Variants in SPATA7 observed in about 807,000 individuals in gnomAD.
SPATA7 encodes spermatogenesis associated 7, also known as spermatogenesis-associated protein 7.
Under a neutral mutation model 51.8 loss-of-function variants are expected in SPATA7, and 43 were observed. The ratio of observed to expected loss-of-function variants is 0.83; its 90% CI spans 0.65 to 1.07. The LOEUF is 1.07. SPATA7 is among the 50% of genes least tolerant of loss of function. The pLI is 0.00. For missense variants in SPATA7, 683 were observed against 701.3 expected (o/e 0.97, Z 0.30); for synonymous variants, 230 against 252.8 (o/e 0.91, Z 0.86).
chr14:88,427,707 T>C lies in SPATA7; in HGVS notation c.912+11T>C. The C allele has an allele frequency of 6.3e-7, 1 of 1,584,148 alleles. No individual in the cohort carries two copies. The highest frequency in any genetic ancestry group is 8.7e-7 in the Non-Finnish European group (1 of 1,153,500). On this transcript the variant is annotated intron_variant, in intron 7 of 11. Coordinates refer to ENST00000393545, the MANE Select transcript of SPATA7 (RefSeq NM_018418.5). ...ATGAACATAAAGCAGGTAATAAGTA[T>C]GAAATCTTTTGGTATTGCTACATTT...
chr14:88,396,875 C>CTTTTTTTTTTTTTTTTTTTTT, intron 4 of SPATA7, among the ~76,000 whole-genome samples: 1 of 138,538 alleles, frequency 7.2e-6, no homozygotes, highest in Non-Finnish European at 1.5e-5. Context: ...TTTCTTTTTT[C>CTTTTTTTTTTTTTTTTTTTTT]TTTTTTTTTT....
intron 4 of SPATA7, chr14:88,406,845 G>C (rs945272843): frequency 6.6e-6 from 1 of 152,126 alleles, no homozygotes; most frequent in Admixed American, 6.6e-5. Flanking sequence ...ACTTATGAGT[G>C]AGAACATGCA....
rs2077429209 is a variant in SPATA7 at position 88,469,786 on chromosome 14, T to C, written c.255-61T>C. 5 of 1,600,660 alleles carry C rather than the reference T, an allele frequency of 3.1e-6. No individual in the cohort carries two copies. In the East Asian group the frequency reaches 1.1e-4, roughly 36 times the overall value. Reference sequence around the variant, plus strand: ...CTCGAGATCCGGCAATGGATGCCTTTCTCACATAGACGGCACATCTGAAAC... The same window carrying C: ...CTCGAGATCCGGCAATGGATGCCTTCCTCACATAGACGGCACATCTGAAAC... On this transcript the variant is annotated intron_variant, in intron 4 of 4. Coordinates refer to the SPATA7 transcript ENST00000556406. The surrounding 1 kb of genome is among the most constrained non-coding windows in gnomAD (Gnocchi z 4.3).
chr14:88,469,909 A>C lies in SPATA7; in HGVS notation c.*42A>C. On this transcript the variant is annotated 3_prime_UTR_variant, in exon 5 of 5. Transcript: ENST00000556406. This position sits in a 1 kb window ranked among gnomAD's most constrained non-coding sequence, Gnocchi z 4.3. ...GAGGCTGAGAAAATCACTTAAGAGA[A>C]ATAAGTACCTACCTCTTCTGCTGTC... is the stretch of plus-strand genomic sequence containing the variant. 1 of 1,613,858 alleles carries C rather than the reference A, an allele frequency of 6.2e-7. No individual in the cohort carries two copies.
intron 4 of SPATA7, among the ~76,000 whole-genome samples, chr14:88,398,869 G>A (rs113456234): frequency 0.035 from 5,352 of 151,770 alleles, 309 homozygotes; most frequent in African/African-American, 0.12. Flanking sequence ...TGGCTAACAC[G>A]GTGAAACCCT....
chr14:88,463,890 C>T (rs1187876484), intron 4 of SPATA7, among the ~76,000 whole-genome samples: 1 of 151,998 alleles, frequency 6.6e-6, no homozygotes, highest in East Asian at 1.9e-4. Context: ...CTCTGTCACC[C>T]AAGCTGGAGT....
At chr14:88,459,028 G>A (rs536175419), downstream of SPATA7, among the ~76,000 whole-genome samples, 240 of 152,230 alleles carry the variant, frequency 1.6e-3, no homozygotes, top group African/African-American at 5.3e-3. Flanking sequence ...GTAGTTGAGC[G>A]GTTTTGAGTG....
Position 88,429,391 on chromosome 14 carries a change from C to T in SPATA7, c.956C>T (p.Pro319Leu), listed in dbSNP as rs748919704. Reference protein sequence around the residue: ...VTYDAKEKIAPLPLEGHDSTW... With the variant: ...VTYDAKEKIALLPLEGHDSTW... ...TATGATGCCAAAGAAAAAATAGCTCCTTTACCTTTAGAAGGGCATGACTCA... is the reference window on the plus strand; with the variant it reads ...TATGATGCCAAAGAAAAAATAGCTCTTTTACCTTTAGAAGGGCATGACTCA... Residue 319 changes from proline to leucine, a missense_variant, in exon 8 of 12, where the codon CCT becomes CTT. By Grantham distance (98) the Pro-to-Leu change is moderately conservative. Coordinates refer to ENST00000393545, the MANE Select transcript of SPATA7 (RefSeq NM_018418.5). The T allele has an allele frequency of 1.7e-5, 28 of 1,612,736 alleles. No individual in the cohort carries two copies. The South Asian group carries it at 3.1e-4, about 18-fold the overall frequency.
chr14:88,407,051 A>G (rs2076218921), intron 4 of SPATA7, among the ~76,000 whole-genome samples: 1 of 152,196 alleles, frequency 6.6e-6, no homozygotes, highest in Admixed American at 6.5e-5. Flanking sequence ...AGTCTTTGGT[A>G]TTGTGAACAG....
Position 88,426,530 on chromosome 14 carries a change from A to G in SPATA7, c.671A>G (p.Asp224Gly), listed in dbSNP as rs768503804. The change falls in exon 6 of 12, where the codon GAT (aspartate) becomes GGT (glycine). Residue 224 changes from aspartate to glycine, a missense_variant. Physicochemically the swap from Asp to Gly is moderately conservative, Grantham distance 94. Transcript: ENST00000393545. ...QLVISKAPSG[D>G]LLDKHSELFS... Reference sequence around the variant, plus strand: ...GTCATTTCGAAAGCACCCAGTGGGGATCTTTTGGATAAACATTCTGAACTC... The same window carrying G: ...GTCATTTCGAAAGCACCCAGTGGGGGTCTTTTGGATAAACATTCTGAACTC... 3.7e-6 allele frequency: 6 copies of G among 1,614,064 alleles called. No homozygotes were observed. In the East Asian group the frequency reaches 1.1e-4, roughly 30 times the overall value.
At chr14:88,470,048 G>GA (rs781749438) in exon 5 of SPATA7, 1 of 1,612,536 alleles carries the variant, frequency 6.2e-7, no homozygotes, top group Non-Finnish European at 8.5e-7. Context: ...CACTGACAGA[G>GA]ACCTGGGATT....
intron 4 of SPATA7, among the ~76,000 whole-genome samples, chr14:88,402,959 C>CAAAAA (rs56330042): frequency 1.6e-3 from 97 of 62,004 alleles, no homozygotes; most frequent in East Asian, 3.7e-3. Flanking sequence ...AACTCAATAG[C>CAAAAA]AAAAAAAAAA....
At chr14:88,448,963 G>A (rs912592702) in intron 3 of SPATA7, among the ~76,000 whole-genome samples, 7 of 151,980 alleles carry the variant, frequency 4.6e-5, no homozygotes, top group Non-Finnish European at 8.8e-5. Flanking sequence ...CCTTTTCTTC[G>A]TTAATCTCAC....
rs370749878 is a variant in SPATA7, at chr14:88,445,561, G to T, written c.177+7658G>T. ...GTGAGAGAGGGCATCCCTGTCTTGT[G>T]CCAGTTTTCAAAGGGAATGCTTCCA... On this transcript the variant is annotated intron_variant, in intron 3 of 3. Transcript: ENST00000554802. Among the ~76,000 whole-genome samples, 2,397 of 151,282 alleles carry T rather than the reference G, an allele frequency of 0.016. 115 individuals carry two copies. In the East Asian group the frequency reaches 0.18, roughly 11 times the overall value.
chr14:88,470,032 C>G (rs747979607), exon 5 of SPATA7: 3 of 1,613,136 alleles, frequency 1.9e-6, no homozygotes, highest in Non-Finnish European at 8.5e-7. Flanking sequence ...TAATCCCATT[C>G]GATTCCACTG....
At chr14:88,451,287 A>G (rs549946921) in intron 3 of SPATA7, among the ~76,000 whole-genome samples, 63 of 151,838 alleles carry the variant, frequency 4.1e-4, no homozygotes, top group African/African-American at 1.4e-3. Context: ...CTCCTATCTC[A>G]GCCTCCCGAG....
chr14:88,392,881 T>A (rs1566747376), intron 2 of SPATA7, among the ~76,000 whole-genome samples: 4 of 152,124 alleles, frequency 2.6e-5, no homozygotes. Flanking sequence ...TTACACTTGT[T>A]ATAAGATAGT....
intron 8 of SPATA7, among the ~76,000 whole-genome samples, chr14:88,430,056 A>T (rs1421239495): frequency 6.6e-6 from 1 of 152,148 alleles, no homozygotes; most frequent in Non-Finnish European, 1.5e-5. Flanking sequence ...ATTAGCAGGT[A>T]GTAGAAAACC....
chr14:88,402,875 A>G (rs1162590657), intron 4 of SPATA7, among the ~76,000 whole-genome samples: 3 of 151,018 alleles, frequency 2.0e-5, no homozygotes, highest in Non-Finnish European at 4.4e-5. Flanking sequence ...GGCAACTTAC[A>G]GAATGGGAGG....
Sources: allele counts gnomAD v4.1 joint callset (sites outside exome capture counted in the v4.1 genomes callset), GRCh38; gene constraint gnomAD v4.1.1; non-coding constraint Gnocchi (gnomAD v3.1); transcripts MANE v1.5; gene names NCBI Gene and HGNC (gene_info 2026-07-23, HGNC 2026-07-21).